Variants in LRRC37B observed in about 807,000 individuals in gnomAD.
LRRC37B encodes leucine rich repeat containing 37B, also known as leucine-rich repeat-containing protein 37B.
Under a neutral mutation model 98.3 loss-of-function variants are expected in LRRC37B, and 28 were observed. The ratio of observed to expected loss-of-function variants is 0.28; its 90% confidence interval spans 0.21 to 0.39. The LOEUF is 0.39. Among genes scored for constraint, LRRC37B ranks in the 10% least tolerant of loss-of-function variants. The pLI, the probability that LRRC37B is intolerant of heterozygous loss-of-function variation, is 1.00. For missense variants in LRRC37B, 938 were observed against 1,182.7 expected (o/e 0.79, Z 3.03); for synonymous variants, 364 against 442.7 (o/e 0.82, Z 2.23).
intron 7 of LRRC37B, among the ~76,000 whole-genome samples, chr17:32,043,346 A>G (rs1911495864): frequency 6.6e-6 from 1 of 152,132 alleles, no homozygotes; most frequent in South Asian, 2.1e-4. Context: ...GGGTTGCTTG[A>G]GCTCAGGAGT....
At chr17:32,051,480 CAAAAAAAAAAA>C (rs552641167) in intron 11 of LRRC37B, 56 of 66,016 alleles carry the variant, frequency 8.5e-4, no homozygotes, top group African/African-American at 2.8e-3. Context: ...GACTCTGCCT[CAAAAAAAAAAA>C]AAAAAAAAGA....
chr17:32,016,041 A>G (rs1414700825), upstream of LRRC37B, among the ~76,000 whole-genome samples: 1 of 152,242 alleles, frequency 6.6e-6, no homozygotes, highest in African/African-American at 2.4e-5. Flanking sequence ...TGAGAAATTA[A>G]TTAAATAACA....
At chr17:32,027,529 G>C (rs1171491552) in intron 2 of LRRC37B, among the ~76,000 whole-genome samples, 1 of 150,324 alleles carries the variant, frequency 6.7e-6, no homozygotes, top group Non-Finnish European at 1.5e-5. Context: ...GTGTGTGCTT[G>C]TGTGTGTGTG....
intron 1 of LRRC37B, among the ~76,000 whole-genome samples, chr17:32,023,320 T>G (rs552595974): frequency 6.6e-6 from 1 of 152,126 alleles, no homozygotes; most frequent in African/African-American, 2.4e-5. Context: ...ACGGGGTTTC[T>G]CCATGTTGGT....
intron 1 of LRRC37B, among the ~76,000 whole-genome samples, chr17:32,010,019 TCATATATTTTCTCCC>T (rs1346553313): frequency 6.6e-6 from 1 of 152,240 alleles, no homozygotes; most frequent in African/African-American, 2.4e-5. Context: ...TCTGTGATGC[TCATATATTTTCTCCC>T]CATCTGTGCC....
chr17:32,032,966 C>A (rs1028894781), intron 5 of LRRC37B, among the ~76,000 whole-genome samples: 1 of 152,144 alleles, frequency 6.6e-6, no homozygotes, highest in African/African-American at 2.4e-5. Flanking sequence ...GAGTTCGAGA[C>A]AAGCCTGACC....
chr17:32,031,417 A>G, exon 5 of LRRC37B: 4 of 1,610,638 alleles, frequency 2.5e-6, no homozygotes, highest in Non-Finnish European at 2.5e-6. Flanking sequence ...TGAGCCTTGG[A>G]ACATTTCAGG....
intron 3 of LRRC37B, among the ~76,000 whole-genome samples, chr17:32,029,903 C>T (rs1911065610): frequency 1.3e-5 from 2 of 152,074 alleles, no homozygotes; most frequent in Non-Finnish European, 2.9e-5. Flanking sequence ...CAAGAATTTG[C>T]ATCCTCAATA....
At chr17:32,047,847 A>C (rs140028629) in exon 9 of LRRC37B, 1 of 1,614,036 alleles carries the variant, frequency 6.2e-7, no homozygotes, top group Non-Finnish European at 8.5e-7. Flanking sequence ...TCAGCTGACT[A>C]TTGAGTCGGA....
intron 11 of LRRC37B, chr17:32,052,802 T>C (rs76456186): frequency 0.2 from 29,952 of 151,790 alleles, 3,800 homozygotes; most frequent in African/African-American, 0.36. Context: ...AAAAATTAGC[T>C]AGTGTGGTGG....
At chr17:32,022,286 T>C in exon 1 of LRRC37B, 1 of 1,613,966 alleles carries the variant, frequency 6.2e-7, no homozygotes, top group South Asian at 1.1e-5. Context: ...CGGAACCTTC[T>C]TCTACAGCCC....
At chr17:32,020,936 T>G (rs961036339), upstream of LRRC37B, 1 of 1,437,548 alleles carries the variant, frequency 7.0e-7, no homozygotes, top group African/African-American at 1.4e-5. Context: ...GGGAGGGGTG[T>G]TCCGGCCTGG....
rs754261986 is a variant in LRRC37B at position 32,008,020 on chromosome 17, C to CT, written c.-302dup. 1.7e-5 allele frequency: 9 copies of CT among 518,496 alleles called. No individual in the cohort carries two copies. Among genetic ancestry groups the CT allele is most frequent in the Non-Finnish European group, 2.9e-5 (8 of 272,542 alleles). 32.1% of individuals were successfully genotyped at this position (518,496 alleles called of 1,614,324 possible). ...AGGAGACCCAGGAGTCTGAGGACAACTAGGAGGATGACATGGAGGAGGACG... is the reference window on the plus strand; with the variant it reads ...AGGAGACCCAGGAGTCTGAGGACAACTTAGGAGGATGACATGGAGGAGGACG... On this transcript the variant is annotated 5_prime_UTR_variant, in exon 1 of 15. The change creates a premature stop within an existing upstream ORF in the 5' untranslated region. Transcript: ENST00000543378.
At chr17:32,042,178 C>T (rs1326756501) in intron 7 of LRRC37B, 28 of 281,984 alleles carry the variant, frequency 9.9e-5, no homozygotes, top group Non-Finnish European at 1.3e-4. Context: ...CACCTTCCCC[C>T]CCATACTGCT....
chr17:32,021,566 G>A (rs751773362), exon 1 of LRRC37B: 4 of 1,614,154 alleles, frequency 2.5e-6, no homozygotes, highest in Non-Finnish European at 3.4e-6. Context: ...TTCTCAACCG[G>A]GATCAGAACC....
At chr17:32,048,709 G>A (rs1485669899) in intron 9 of LRRC37B, among the ~76,000 whole-genome samples, 2 of 152,190 alleles carry the variant, frequency 1.3e-5, no homozygotes, top group African/African-American at 2.4e-5. Context: ...AGTTTAGAAA[G>A]GGCAGTTATC....
At chr17:32,013,690 C>T (rs1370711466) in intron 1 of LRRC37B, among the ~76,000 whole-genome samples, 1 of 148,906 alleles carries the variant, frequency 6.7e-6, no homozygotes, top group Non-Finnish European at 1.5e-5. Context: ...TATTCTAGTC[C>T]CCCTCCCTTA....
chr17:32,026,549 C>T (rs898518908), intron 2 of LRRC37B, among the ~76,000 whole-genome samples: 2 of 152,274 alleles, frequency 1.3e-5, no homozygotes, highest in African/African-American at 4.8e-5. Flanking sequence ...CTGCCTCAGC[C>T]TCCTGGGTAG....
intron 7 of LRRC37B, among the ~76,000 whole-genome samples, chr17:32,039,496 A>C: frequency 2.6e-5 from 1 of 38,846 alleles, no homozygotes; most frequent in African/African-American, 1.3e-4. Flanking sequence ...ATATATATAT[A>C]TATATATATA....
Sources: allele counts gnomAD v4.1 joint callset (sites outside exome capture counted in the v4.1 genomes callset), GRCh38; gene constraint gnomAD v4.1.1; transcripts MANE v1.5; gene names NCBI Gene and HGNC (gene_info 2026-07-23, HGNC 2026-07-21).